AIG1: variants seen among roughly 807,000 people sequenced by gnomAD.
The protein encoded by AIG1 is androgen induced 1, also known as androgen-induced gene 1 protein.
AIG1 carries 23 observed loss-of-function variants against 31.4 expected under a neutral mutation model. The ratio of observed to expected loss-of-function variants is 0.73; its 90% CI spans 0.53 to 1.04. The LOEUF is 1.04. Among genes scored for constraint, AIG1 ranks in the 50% least tolerant of loss-of-function variants. The pLI, the probability that AIG1 is intolerant of heterozygous loss-of-function variation, is 0.00. For missense variants in AIG1, 274 were observed against 295.0 expected (o/e 0.93, Z 0.52); for synonymous variants, 100 against 110.5 (o/e 0.90, Z 0.60).
intron 5 of AIG1, 140 bp from the exon 6 acceptor site, chr6:143,339,499 A>C: frequency 1.4e-5 from 10 of 729,376 alleles, no homozygotes; most frequent in South Asian, 5.4e-5. Flanking sequence ...CTAGGAGGGA[A>C]TAGGGGGTGT....
chr6:143,168,472 C>T (rs916996775), intron 3 of AIG1, among the ~76,000 whole-genome samples: 1 of 148,920 alleles, frequency 6.7e-6, no homozygotes. Context: ...GTGTTCTCAT[C>T]GTTCAATTCC....
intron 3 of AIG1, among the ~76,000 whole-genome samples, chr6:143,271,553 T>C (rs770610397): frequency 7.2e-5 from 11 of 152,200 alleles, no homozygotes; most frequent in Non-Finnish European, 1.3e-4. Flanking sequence ...AAGGGTAAAT[T>C]AAAACCATTT....
rs1309009079 is a variant in AIG1 at position 143,279,465 on chromosome 6, G to A, written c.400-4645G>A. On this transcript the variant is annotated intron_variant, in intron 3 of 5. Transcript: ENST00000357847. The surrounding 1 kb of genome is among the most constrained non-coding windows in gnomAD (Gnocchi z 5.4). ...TCATTACACTGCTGTCTTCCTTTGAGCCTCTTCTGCAAAAGCCCTTTTTCT... is the reference window on the plus strand; with the variant it reads ...TCATTACACTGCTGTCTTCCTTTGAACCTCTTCTGCAAAAGCCCTTTTTCT... Among the ~76,000 whole-genome samples, 1 of 152,134 alleles carries A rather than the reference G, an allele frequency of 6.6e-6. No individual in the cohort carries two copies. Among genetic ancestry groups the A allele is most frequent in the African/African-American group, 2.4e-5 (1 of 41,426 alleles).
At chr6:143,283,782 G>A (rs974400785) in intron 3 of AIG1, among the ~76,000 whole-genome samples, 5 of 152,138 alleles carry the variant, frequency 3.3e-5, no homozygotes, top group Non-Finnish European at 5.9e-5. Context: ...AAAATGGGAC[G>A]TACACCAAAA....
chr6:143,139,940 C>T (rs1323590954), intron 2 of AIG1, among the ~76,000 whole-genome samples: 2 of 152,140 alleles, frequency 1.3e-5, no homozygotes, highest in Admixed American at 6.5e-5. Flanking sequence ...TATGAATGTG[C>T]CTCTTTACAA....
chr6:143,146,712 G>A (rs1784746780), intron 2 of AIG1, among the ~76,000 whole-genome samples: 1 of 152,150 alleles, frequency 6.6e-6, no homozygotes, highest in African/African-American at 2.4e-5. Flanking sequence ...CTGGACCAAA[G>A]TGTACTGTTA....
At chr6:143,168,778 G>A (rs1055867227) in intron 3 of AIG1, among the ~76,000 whole-genome samples, 1 of 152,030 alleles carries the variant, frequency 6.6e-6, no homozygotes, top group Non-Finnish European at 1.5e-5. Flanking sequence ...ACTCCAGCCT[G>A]AGTGACAGGA....
chr6:143,063,202 G>A (rs1213616343), intron 1 of AIG1, among the ~76,000 whole-genome samples: 1 of 152,192 alleles, frequency 6.6e-6, no homozygotes, highest in African/African-American at 2.4e-5. Context: ...TTATCTTTTA[G>A]CATTCAATGA....
At chr6:143,159,804 G>T (rs575503044) in intron 2 of AIG1, among the ~76,000 whole-genome samples, 1 of 152,140 alleles carries the variant, frequency 6.6e-6, no homozygotes, top group Admixed American at 6.6e-5. Context: ...TTGCATGGGG[G>T]CCATCAGAGA....
intron 3 of AIG1, among the ~76,000 whole-genome samples, chr6:143,178,931 C>T (rs558698015): frequency 6.6e-6 from 1 of 152,258 alleles, no homozygotes; most frequent in South Asian, 2.1e-4. Flanking sequence ...TATATATACT[C>T]ACAGGACTTA....
intron 3 of AIG1, among the ~76,000 whole-genome samples, chr6:143,250,194 TTG>T (rs1435067079): frequency 6.6e-6 from 1 of 152,196 alleles, no homozygotes; most frequent in Non-Finnish European, 1.5e-5. Flanking sequence ...TTGTGATCAC[TTG>T]TGTCTTCTTT....
At chr6:143,203,321 G>C (rs187179221) in intron 3 of AIG1, among the ~76,000 whole-genome samples, 13 of 152,250 alleles carry the variant, frequency 8.5e-5, no homozygotes, top group Non-Finnish European at 1.0e-4. Flanking sequence ...ACACTGTTTT[G>C]TACTGTTCTA....
At position 143,136,896 on chromosome 6, in the gene AIG1, G is replaced by T; in HGVS notation, c.203G>T (p.Arg68Leu). The T allele has an allele frequency of 6.5e-7, 1 of 1,532,250 alleles. No individual in the cohort carries two copies. The highest frequency in any genetic ancestry group is 1.8e-5 in the Admixed American group (1 of 55,234). The allele number at this position is 1,532,250 out of a possible 1,614,324, so 94.9% of individuals were successfully genotyped here. ...VLTDLSSLLT[R>L]GSGNQEQERQ... ...ACTGATCTTTCCAGTCTTCTGACTC[G>T]AGGAAGTGGGAACCAGGAGCAAGAG... The change falls in exon 2 of 6, where the codon CGA (arginine) becomes CTA (leucine). Residue 68 changes from arginine to leucine, a missense_variant. Arg to Leu is a moderately radical substitution (Grantham distance 102, BLOSUM62 -2). This residue lies in a region of AIG1 where 243 missense variants were observed against 238.5 expected (regional missense o/e 1.02). Transcript: ENST00000357847.
At chr6:143,162,886 C>G (rs986613692) in intron 2 of AIG1, among the ~76,000 whole-genome samples, 11 of 151,994 alleles carry the variant, frequency 7.2e-5, no homozygotes, top group African/African-American at 2.4e-4. Flanking sequence ...GGTGTGATCT[C>G]GAAAGGAAGA....
At chr6:143,342,359 G>A, downstream of AIG1, 1 of 673,194 alleles carries the variant, frequency 1.5e-6, no homozygotes, top group East Asian at 2.7e-5. Flanking sequence ...CGCCGCAGCT[G>A]CTTAGACGCA....
intron 3 of AIG1, among the ~76,000 whole-genome samples, chr6:143,261,133 C>CT (rs989462232): frequency 4.0e-5 from 6 of 151,280 alleles, no homozygotes; most frequent in East Asian, 3.9e-4. Context: ...ATGAGTAGCT[C>CT]TTTTTTTTTC....
chr6:143,153,971 C>G (rs1052777054), intron 2 of AIG1, among the ~76,000 whole-genome samples: 12 of 151,090 alleles, frequency 7.9e-5, no homozygotes, highest in African/African-American at 2.9e-4. Context: ...TTGAAAGTGG[C>G]CAGGTGTGGT....
At chr6:143,088,429 A>G (rs181019906) in intron 1 of AIG1, among the ~76,000 whole-genome samples, 76 of 152,356 alleles carry the variant, frequency 5.0e-4, no homozygotes, top group African/African-American at 1.8e-3. Flanking sequence ...CTGGCAGAGA[A>G]GAGAACTGGT....
At chr6:143,060,444 C>A (rs1776118366), upstream of AIG1, 1 of 219,436 alleles carries the variant, frequency 4.6e-6, no homozygotes, top group Non-Finnish European at 1.0e-5. Context: ...CATTTGTGGA[C>A]ACTGGGGTCC....
Sources: gnomAD v4.1 joint callset for allele counts (sites outside exome capture counted in the v4.1 genomes callset) on GRCh38, gnomAD v4.1.1 for gene constraint, gnomAD v4.1.1 regional missense constraint, Gnocchi (gnomAD v3.1) non-coding constraint, MANE v1.5 for transcripts, NCBI Gene and HGNC (gene_info 2026-07-23, HGNC 2026-07-21) for gene names.